CNTNAP2: variants seen among roughly 807,000 people sequenced by gnomAD.
The protein encoded by CNTNAP2 is contactin-associated protein-like 2.
Under a neutral mutation model 155.2 loss-of-function variants are expected in CNTNAP2, and 98 were observed. The observed-to-expected ratio is 0.63, with a 90% CI of 0.54 to 0.75. The LOEUF is 0.75. Among genes scored for constraint, CNTNAP2 ranks in the 30% least tolerant of loss-of-function variants. The probability of loss-of-function intolerance (pLI) is 0.00; values close to 1 mark genes in which losing one functional copy is unlikely to be tolerated. For synonymous variants in CNTNAP2, 651 were observed against 631.2 expected (o/e 1.03, Z -0.47); for missense variants, 1,727 against 1,688.1 (o/e 1.02, Z -0.40).
chr7:148,342,143 C>A (rs1042166174), intron 21 of CNTNAP2, among the ~76,000 whole-genome samples: 1 of 152,242 alleles, frequency 6.6e-6, no homozygotes, highest in African/African-American at 2.4e-5. Context: ...CCCTTCTACT[C>A]TCTGCTGCGG....
At chr7:146,821,893 C>A (rs558171302) in intron 2 of CNTNAP2, among the ~76,000 whole-genome samples, 13 of 151,296 alleles carry the variant, frequency 8.6e-5, no homozygotes, top group Non-Finnish European at 1.6e-4. Flanking sequence ...ACTAGTTCAA[C>A]CATTGTGGAA....
intron 2 of CNTNAP2, among the ~76,000 whole-genome samples, chr7:146,827,361 C>T (rs957369309): frequency 6.6e-6 from 1 of 152,028 alleles, no homozygotes; most frequent in Non-Finnish European, 1.5e-5. Flanking sequence ...TTGATCTTCC[C>T]TCTAATAGAG....
In CNTNAP2 at chr7:147,486,206, A is replaced by G. The variant is rs562120356; in HGVS notation, c.1777+165A>G. Among the ~76,000 whole-genome samples the G allele has an allele frequency of 2.6e-5, 4 of 152,194 alleles. No homozygotes were observed. In the South Asian group the frequency reaches 8.3e-4, roughly 32 times the overall value. On this transcript the variant is annotated intron_variant, in intron 11 of 23. Coordinates refer to ENST00000361727, the MANE Select transcript of CNTNAP2 (RefSeq NM_014141.6). ...TTCTCCAAAAAAAAAAAAATAAAAT[A>G]CACTATTCTACTTGTTAAAATATGT...
At chr7:147,598,407 C>G (rs555386390) in intron 12 of CNTNAP2, among the ~76,000 whole-genome samples, 28 of 152,198 alleles carry the variant, frequency 1.8e-4, no homozygotes, top group African/African-American at 6.5e-4. Context: ...TGTTCAACTC[C>G]CACTTACGAG....
chr7:148,103,052 G>T (rs1340485785), intron 15 of CNTNAP2, among the ~76,000 whole-genome samples: 1 of 152,136 alleles, frequency 6.6e-6, no homozygotes. Flanking sequence ...GTCATAGGTA[G>T]GTAAGAGACA....
At chr7:147,524,186 C>T (rs1799276930) in intron 11 of CNTNAP2, among the ~76,000 whole-genome samples, 1 of 152,152 alleles carries the variant, frequency 6.6e-6, no homozygotes, top group Non-Finnish European at 1.5e-5. Flanking sequence ...TTTAAAATAT[C>T]CTTTTGCTAT....
chr7:147,939,155 G>A lies in CNTNAP2; in HGVS notation c.2255+35434G>A, dbSNP rs142577102. Among the ~76,000 whole-genome samples the A allele has an allele frequency of 5.2e-3, 796 of 152,054 alleles. 14 individuals carry two copies. The highest frequency in any genetic ancestry group is 0.044 in the Admixed American group (677 of 15,272). On this transcript the variant is annotated intron_variant, in intron 14 of 23. Coordinates refer to ENST00000361727, the MANE Select transcript of CNTNAP2 (RefSeq NM_014141.6). ...TTTGACAGTTGATAAAAAGATGTTC[G>A]CATAAACTATAATCATATAATTAAA...
intron 1 of CNTNAP2, among the ~76,000 whole-genome samples, chr7:146,340,653 T>A (rs751043584): frequency 2.0e-5 from 3 of 152,144 alleles, no homozygotes; most frequent in Non-Finnish European, 2.9e-5. Context: ...GGTTAACAAA[T>A]GTTAGCGATA....
At position 147,784,323 on chromosome 7, in the gene CNTNAP2, CA is replaced by C. The variant is rs538741360; in HGVS notation, c.2099-119236del. 4.0e-3 allele frequency among the ~76,000 whole-genome samples: 558 copies of C among 140,366 alleles called. 2 individuals are homozygous for C. Among genetic ancestry groups the C allele is most frequent in the African/African-American group, 0.014 (537 of 38,418 alleles). The allele number at this position is 140,366 out of a possible 152,430, so 92.1% of individuals were successfully genotyped here. A position where few individuals can be genotyped will look rare whatever the true frequency, so the allele number is the denominator to read the frequency against. On this transcript the variant is annotated intron_variant, in intron 13 of 23. Coordinates refer to ENST00000361727, the MANE Select transcript of CNTNAP2 (RefSeq NM_014141.6). ...GCTCATTTGTTAAGATAAAACCAAA[CA>C]AAAAAGAACATTTTAAAACACAAAG...
chr7:146,996,869 T>A (rs117889411), intron 3 of CNTNAP2, among the ~76,000 whole-genome samples: 2,854 of 152,176 alleles, frequency 0.019, 35 homozygotes, highest in Non-Finnish European at 0.031. Flanking sequence ...GATAACGGAA[T>A]CATAGGGGTG....
At chr7:148,358,384 C>T (rs1191979184) in intron 21 of CNTNAP2, among the ~76,000 whole-genome samples, 2 of 152,186 alleles carry the variant, frequency 1.3e-5, no homozygotes, top group Admixed American at 6.5e-5. Flanking sequence ...ATGGCAAGAA[C>T]TCTCAGACTG....
intron 13 of CNTNAP2, among the ~76,000 whole-genome samples, chr7:147,820,329 G>T (rs1798341784): frequency 6.6e-6 from 1 of 150,996 alleles, no homozygotes; most frequent in Non-Finnish European, 1.5e-5. Context: ...TCAATTTGTT[G>T]TTTAATGTCT....
intron 23 of CNTNAP2, 64 bp from the exon 24 acceptor site, chr7:148,415,353 G>C: frequency 6.5e-7 from 1 of 1,538,012 alleles, no homozygotes; most frequent in Non-Finnish European, 8.9e-7. Context: ...TAGTGAAGTG[G>C]GGACAGTGTT....
At chr7:147,107,695 C>A (rs1018978737) in intron 4 of CNTNAP2, among the ~76,000 whole-genome samples, 3 of 152,114 alleles carry the variant, frequency 2.0e-5, no homozygotes, top group African/African-American at 7.2e-5. Flanking sequence ...TAAAAGATTA[C>A]ATTCCAAGTG....
chr7:146,929,400 A>G (rs919104484), intron 3 of CNTNAP2, among the ~76,000 whole-genome samples: 1 of 152,170 alleles, frequency 6.6e-6, no homozygotes, highest in Non-Finnish European at 1.5e-5. Context: ...AAGGAAAACT[A>G]ACAAACATAA....
chr7:148,156,335 C>A (rs1470307493), intron 17 of CNTNAP2, among the ~76,000 whole-genome samples: 2 of 152,174 alleles, frequency 1.3e-5, no homozygotes, highest in Non-Finnish European at 2.9e-5. Context: ...TTCTTCGGGG[C>A]TTTGCAGACT....
At chr7:148,135,722 GC>G (rs571546648) in intron 16 of CNTNAP2, among the ~76,000 whole-genome samples, 3,617 of 151,190 alleles carry the variant, frequency 0.024, 60 homozygotes, top group Middle Eastern at 0.051. Context: ...GGTGGCAGGT[GC>G]GTGTAATCCC....
chr7:146,554,884 T>A (rs966587344), intron 1 of CNTNAP2, among the ~76,000 whole-genome samples: 1 of 152,246 alleles, frequency 6.6e-6, no homozygotes, highest in African/African-American at 2.4e-5. Context: ...TATATAGCAC[T>A]TGAGTGTCCA....
chr7:147,868,191 T>C (rs933221855), intron 13 of CNTNAP2, among the ~76,000 whole-genome samples: 2 of 152,186 alleles, frequency 1.3e-5, no homozygotes, highest in Non-Finnish European at 2.9e-5. Context: ...TAGTTTTCCG[T>C]CTAATAGTCA....
Sources: gnomAD v4.1 joint callset for allele counts (sites outside exome capture counted in the v4.1 genomes callset) on GRCh38, gnomAD v4.1.1 for gene constraint, MANE v1.5 for transcripts, NCBI Gene and HGNC (gene_info 2026-07-23, HGNC 2026-07-21) for gene names.